The following SORCS2 variants were observed in gnomAD, a reference collection of about 807,000 sequenced individuals.
SORCS2 encodes the protein VPS10 domain-containing receptor SorCS2.
Under a neutral mutation model 141.6 loss-of-function variants are expected in SORCS2, and 100 were observed. The ratio of observed to expected loss-of-function variants is 0.71; its 90% CI spans 0.60 to 0.83. The LOEUF is 0.83. Ranked by LOEUF, SORCS2 falls within the 40% of genes least tolerant of loss-of-function variation. SORCS2 has a pLI of 0.00. For missense variants in SORCS2, 1,646 were observed against 1,560.2 expected, an observed-to-expected ratio of 1.05 and a Z score of -0.93; for synonymous variants, 789 against 676.9, an observed-to-expected ratio of 1.17 and a Z score of -2.57.
At chr4:7,495,239 C>T (rs1485237946) in intron 2 of SORCS2, among the ~76,000 whole-genome samples, 1 of 152,206 alleles carries the variant, frequency 6.6e-6, no homozygotes, top group Non-Finnish European at 1.5e-5. Context: ...CCCCTTGGAG[C>T]TGCATCAACT....
chr4:7,437,206 A>G (rs1727363408), intron 2 of SORCS2, among the ~76,000 whole-genome samples: 1 of 152,214 alleles, frequency 6.6e-6, no homozygotes, highest in Admixed American at 6.5e-5. Context: ...CGAAGTGGCT[A>G]TAAACCAGGG....
chr4:7,369,162 T>A (rs1722093199), intron 1 of SORCS2, among the ~76,000 whole-genome samples: 1 of 151,932 alleles, frequency 6.6e-6, no homozygotes, highest in African/African-American at 2.4e-5. Flanking sequence ...ACAAAAAAAA[T>A]TAGCTGGAAG....
intron 2 of SORCS2, among the ~76,000 whole-genome samples, chr4:7,429,602 C>A (rs1344777790): frequency 6.6e-6 from 1 of 152,200 alleles, no homozygotes; most frequent in African/African-American, 2.4e-5. Flanking sequence ...TAGAAAAGCC[C>A]CTTCCTCTGT....
chr4:7,521,264 G>C (rs1233406781), intron 2 of SORCS2, among the ~76,000 whole-genome samples: 2 of 152,076 alleles, frequency 1.3e-5, no homozygotes, highest in Non-Finnish European at 2.9e-5. Context: ...TGGGTCGTGG[G>C]TTCAGATCCT....
At chr4:7,694,337 C>T (rs1724458284) in intron 11 of SORCS2, among the ~76,000 whole-genome samples, 1 of 152,112 alleles carries the variant, frequency 6.6e-6, no homozygotes, top group South Asian at 2.1e-4. Flanking sequence ...GTTTCCCATC[C>T]ATAAAATGAG....
At chr4:7,652,865 A>G (rs74955769) in intron 4 of SORCS2, among the ~76,000 whole-genome samples, 2,821 of 152,324 alleles carry the variant, frequency 0.019, 83 homozygotes, top group African/African-American at 0.063. Context: ...TGCAGGGTGC[A>G]GTGCAAAGTG....
intron 1 of SORCS2, among the ~76,000 whole-genome samples, chr4:7,226,914 C>T (rs758550672): frequency 5.3e-5 from 8 of 152,200 alleles, no homozygotes; most frequent in Non-Finnish European, 1.2e-4. Flanking sequence ...TTGAATGATG[C>T]CTTGCTAGCA....
At chr4:7,397,440 A>C (rs1724286831) in intron 2 of SORCS2, among the ~76,000 whole-genome samples, 1 of 151,136 alleles carries the variant, frequency 6.6e-6, no homozygotes, top group Admixed American at 6.6e-5. Flanking sequence ...TCCCAGCAAA[A>C]ACGCTTTTCC....
intron 2 of SORCS2, among the ~76,000 whole-genome samples, chr4:7,500,226 C>T (rs1026084462): frequency 4.6e-5 from 7 of 152,122 alleles, no homozygotes; most frequent in Admixed American, 2.6e-4. Context: ...CCAGCCTGCC[C>T]GTGGAGCCCC....
At chr4:7,643,684 C>T (rs990980166) in intron 4 of SORCS2, among the ~76,000 whole-genome samples, 1 of 152,190 alleles carries the variant, frequency 6.6e-6, no homozygotes, top group East Asian at 1.9e-4. Context: ...AAGAAAAACC[C>T]TCACAGTCCC....
intron 2 of SORCS2, among the ~76,000 whole-genome samples, chr4:7,478,017 G>T (rs897366178): frequency 6.6e-6 from 1 of 152,136 alleles, no homozygotes; most frequent in Admixed American, 6.5e-5. Context: ...GGCTGCTGGA[G>T]CCCCAGGGCC....
chr4:7,363,033 T>C (rs1475926621), intron 1 of SORCS2, among the ~76,000 whole-genome samples: 1 of 149,292 alleles, frequency 6.7e-6, no homozygotes, highest in East Asian at 2.0e-4. Context: ...ACCATAACCA[T>C]CATTAACATC....
intron 3 of SORCS2, among the ~76,000 whole-genome samples, chr4:7,579,701 T>C (rs1213742001): frequency 6.6e-6 from 1 of 152,190 alleles, no homozygotes; most frequent in Non-Finnish European, 1.5e-5. Flanking sequence ...GCTCTGGGCC[T>C]TGTGTGAAGC....
chr4:7,704,162 ATCT>A lies in SORCS2; in HGVS notation c.1761-11_1761-9del. The A allele has an allele frequency of 6.2e-7, 1 of 1,607,984 alleles. No individual in the cohort carries two copies. Among genetic ancestry groups the A allele is most frequent in the East Asian group, 2.2e-5 (1 of 44,696 alleles). ...CCAGCCCACCCCAGAGATGCTGACG[ATCT>A]TCTCCTGGCAGGTTCAGTGTGGACG... On this transcript the variant is annotated splice_polypyrimidine_tract_variant and intron_variant, in intron 13 of 26. Coordinates refer to ENST00000507866, the MANE Select transcript of SORCS2 (RefSeq NM_020777.3).
chr4:7,684,177 T>A (rs756333952), intron 10 of SORCS2, among the ~76,000 whole-genome samples: 5 of 151,938 alleles, frequency 3.3e-5, no homozygotes, highest in African/African-American at 4.8e-5. Flanking sequence ...GGGAGAAGGG[T>A]CTAGTGTTAG....
chr4:7,354,135 A>G (rs1305694729), intron 1 of SORCS2, among the ~76,000 whole-genome samples: 1 of 151,680 alleles, frequency 6.6e-6, no homozygotes, highest in Non-Finnish European at 1.5e-5. Context: ...CACGGACCCC[A>G]CCCTGTGGCA....
At chr4:7,474,079 C>G (rs150892437) in intron 2 of SORCS2, among the ~76,000 whole-genome samples, 9 of 152,282 alleles carry the variant, frequency 5.9e-5, no homozygotes, top group African/African-American at 1.7e-4. Context: ...ATGGCCTCCC[C>G]CTCAGAGCTG....
chr4:7,631,824 C>T (rs1260067233), intron 3 of SORCS2, among the ~76,000 whole-genome samples: 2 of 152,108 alleles, frequency 1.3e-5, no homozygotes, highest in African/African-American at 2.4e-5. Context: ...TCGTGAAAGC[C>T]CTGGACAGAG....
intron 3 of SORCS2, among the ~76,000 whole-genome samples, chr4:7,625,639 C>T (rs1169654791): frequency 6.7e-6 from 1 of 148,558 alleles, no homozygotes; most frequent in Non-Finnish European, 1.5e-5. Flanking sequence ...ACTCAAAGCA[C>T]CCAGCACTCT....
Sources: gnomAD v4.1 joint callset for allele counts (sites outside exome capture counted in the v4.1 genomes callset) on GRCh38, gnomAD v4.1.1 for gene constraint, MANE v1.5 for transcripts, NCBI Gene and HGNC (gene_info 2026-07-23, HGNC 2026-07-21) for gene names.